The following LSM2 variants were observed in gnomAD, a reference collection of about 807,000 sequenced individuals.
The protein encoded by LSM2 is U6 snRNA-associated Sm-like protein LSm2.
Under a neutral mutation model 17.0 loss-of-function variants are expected in LSM2, and 12 were observed. The ratio of observed to expected loss-of-function variants is 0.70; its 90% CI spans 0.45 to 1.14. The LOEUF (loss-of-function observed/expected upper bound fraction) is 1.14. LSM2 is among the 50% of genes most tolerant of loss of function. The pLI is 0.00. For synonymous variants in LSM2, 42 were observed against 44.5 expected, an observed-to-expected ratio of 0.94 and a Z score of 0.22; for missense variants, 62 against 111.8, an observed-to-expected ratio of 0.55 and a Z score of 2.01.
intron 1 of LSM2, chr6:31,806,366 T>C (rs1581686168): frequency 5.0e-6 from 3 of 605,932 alleles, no homozygotes; most frequent in East Asian, 5.5e-5. Flanking sequence ...AGAGAGACTC[T>C]GCCCTGCATA....
At chr6:31,805,052 C>A (rs12206352) in intron 2 of LSM2, among the ~76,000 whole-genome samples, 7 of 151,722 alleles carry the variant, frequency 4.6e-5, no homozygotes, top group Admixed American at 4.6e-4. Context: ...AGGCGTGAGC[C>A]ACCGCGCCCG....
Position 31,806,789 on chromosome 6 carries a change from G to A in LSM2, c.-32C>T, listed in dbSNP as rs747714348. The A allele has an allele frequency of 8.1e-6, 13 of 1,607,284 alleles. No individual in the cohort carries two copies. The highest frequency in any genetic ancestry group is 2.2e-5 in the East Asian group (1 of 44,634). On this transcript the variant is annotated 5_prime_UTR_variant, in exon 1 of 5. Transcript: ENST00000375661. Reference sequence around the variant, plus strand: ...GGCGCCGCGGGCAGCGGGCCGGACCGGGAAGACAGCAGGGTGCTGCGAGCA... The same window carrying A: ...GGCGCCGCGGGCAGCGGGCCGGACCAGGAAGACAGCAGGGTGCTGCGAGCA...
intron 1 of LSM2, 65 bp from the exon 2 acceptor site, chr6:31,806,207 A>G: frequency 6.8e-7 from 1 of 1,465,126 alleles, no homozygotes; most frequent in Non-Finnish European, 9.5e-7. Context: ...GTGTCCTTTG[A>G]CAGTATTACC....
Position 31,806,760 on chromosome 6 carries a change from T to C in LSM2, c.-3A>G, listed in dbSNP as rs1435595765. On this transcript the variant is annotated 5_prime_UTR_variant, in exon 1 of 5. Transcript: ENST00000375661. ...TTTGACGTCACGGTACCCACCATGG[T>C]GCTGGCGCCGCGGGCAGCGGGCCGG... 1 of 1,610,150 alleles carries C rather than the reference T, an allele frequency of 6.2e-7. No individual in the cohort carries two copies. Among genetic ancestry groups the C allele is most frequent in the Non-Finnish European group, 8.5e-7 (1 of 1,178,980 alleles).
At chr6:31,806,273 G>A in intron 1 of LSM2, 131 bp from the exon 2 acceptor site, 2 of 860,416 alleles carry the variant, frequency 2.3e-6, no homozygotes, top group Non-Finnish European at 3.7e-6. Flanking sequence ...AATTTCACAG[G>A]AAAGAATAAT....
Position 31,804,470 on chromosome 6 carries a change from T to G in LSM2, c.71+1605A>C, listed in dbSNP as rs1370906234. Among the ~76,000 whole-genome samples the G allele has an allele frequency of 4.6e-5, 7 of 152,330 alleles. No individual in the cohort carries two copies. In the East Asian group the frequency reaches 1.3e-3, roughly 29 times the overall value. Reference sequence around the variant, plus strand: ...GGTATAGCTGATCTAAGCCTCAGTTTCCTCGTGTAAAACAGCAATAGTATA... The same window carrying G: ...GGTATAGCTGATCTAAGCCTCAGTTGCCTCGTGTAAAACAGCAATAGTATA... On this transcript the variant is annotated intron_variant, in intron 2 of 4. Coordinates refer to ENST00000375661, the MANE Select transcript of LSM2 (RefSeq NM_021177.5).
intron 4 of LSM2, 31 bp downstream of exon 4, chr6:31,797,959 T>C (rs1814477627): frequency 6.2e-7 from 1 of 1,609,734 alleles, no homozygotes; most frequent in East Asian, 2.2e-5. Flanking sequence ...GCTTTAGAGG[T>C]GTTTCCTCTT....
chr6:31,798,390 C>A (rs1049838882), intron 3 of LSM2, 87 bp downstream of exon 3: 12 of 1,516,834 alleles, frequency 7.9e-6, no homozygotes, highest in East Asian at 2.3e-5. Context: ...CCATTATTAA[C>A]CCTAGAGACA....
intron 2 of LSM2, chr6:31,802,791 TA>T (rs999430073): frequency 1.3e-5 from 2 of 152,082 alleles, no homozygotes; most frequent in Admixed American, 1.3e-4. Flanking sequence ...CGCATGCCTG[TA>T]ATCCCAGCTA....
intron 2 of LSM2, among the ~76,000 whole-genome samples, chr6:31,805,082 TGA>T (rs914614185): frequency 1.5e-4 from 23 of 151,154 alleles, no homozygotes; most frequent in Non-Finnish European, 2.7e-4. Flanking sequence ...GTTCTTTTTT[TGA>T]GACAGAGTCT....
intron 2 of LSM2, among the ~76,000 whole-genome samples, chr6:31,803,945 C>T (rs1024229920): frequency 6.6e-6 from 1 of 152,008 alleles, no homozygotes; most frequent in Non-Finnish European, 1.5e-5. Flanking sequence ...GGCTCATGCG[C>T]GTAACCCCAG....
In LSM2 at chr6:31,797,583, G is replaced by A; in HGVS notation, c.*174C>T. 1.1e-6 allele frequency: 1 copy of A among 881,974 alleles called. No individual in the cohort carries two copies. Among genetic ancestry groups the A allele is most frequent in the East Asian group, 2.5e-5 (1 of 40,496 alleles). 54.6% of individuals were successfully genotyped at this position (881,974 alleles called of 1,614,324 possible). On this transcript the variant is annotated 3_prime_UTR_variant, in exon 5 of 5. Coordinates refer to ENST00000375661, the MANE Select transcript of LSM2 (RefSeq NM_021177.5). ...TACTTATCCTCCCCTTCTCAAGAGA[G>A]GATAGCTGTTCCCTATTACTCCTCT...
At chr6:31,805,994 C>G in intron 2 of LSM2, 81 bp downstream of exon 2, 1 of 1,297,498 alleles carries the variant, frequency 7.7e-7, no homozygotes, top group Admixed American at 1.8e-5. Context: ...TCGCCTAGCC[C>G]TGAAATATTT....
intron 2 of LSM2, among the ~76,000 whole-genome samples, chr6:31,802,097 T>C (rs1814745873): frequency 6.6e-6 from 1 of 151,766 alleles, no homozygotes; most frequent in African/African-American, 2.4e-5. Context: ...CTGACGAAGA[T>C]GGTGAAACCC....
Position 31,797,528 on chromosome 6 carries a change from G to T in LSM2, c.*229C>A. On this transcript the variant is annotated 3_prime_UTR_variant, in exon 5 of 5. Transcript: ENST00000375661. ...AAGTAGTGAGAAAGGCAGGTGCTGG[G>T]GACTGGGAAGGCTTTGAAGTTTCCC... The T allele has an allele frequency of 1.8e-6, 1 of 569,154 alleles. No individual in the cohort carries two copies. The highest frequency in any genetic ancestry group is 3.1e-6 in the Non-Finnish European group (1 of 325,012). 35.3% of individuals were successfully genotyped at this position (569,154 alleles called of 1,614,324 possible). A position where few individuals can be genotyped will look rare whatever the true frequency, so the allele number is the denominator to read the frequency against.
rs1384491849 is a variant in LSM2, at chr6:31,806,927, T to G, written c.-170A>C. ...CGCTGACGGGCAAAGCGCGGCCGAC[T>G]TGCGGCTGGGGAGCGCAAGCTGGGT... is the stretch of plus-strand genomic sequence containing the variant. On this transcript the variant is annotated 5_prime_UTR_variant, in exon 1 of 5. Coordinates refer to ENST00000375661, the MANE Select transcript of LSM2 (RefSeq NM_021177.5). 3 of 882,782 alleles carry G rather than the reference T, an allele frequency of 3.4e-6. No individual in the cohort carries two copies. Among genetic ancestry groups the G allele is most frequent in the Non-Finnish European group, 5.0e-6 (3 of 594,838 alleles). 54.7% of individuals were successfully genotyped at this position (882,782 alleles called of 1,614,324 possible).
chr6:31,806,184 A>G (rs1815024788), intron 1 of LSM2, 42 bp from the exon 2 acceptor site: 1 of 1,583,368 alleles, frequency 6.3e-7, no homozygotes, highest in Middle Eastern at 1.7e-4. Flanking sequence ...GGGAAGGAGC[A>G]TGGTAGGGAG....
chr6:31,805,017 C>T (rs1213843320), intron 2 of LSM2, among the ~76,000 whole-genome samples: 3 of 152,050 alleles, frequency 2.0e-5, no homozygotes, highest in Admixed American at 6.6e-5. Flanking sequence ...CCGCCTGCCT[C>T]GGCCTCCCAA....
Position 31,797,992 on chromosome 6 carries a change from T to C in LSM2, c.160A>G (p.Met54Val), listed in dbSNP as rs1378191557. 1 of 1,607,732 alleles carries C rather than the reference T, an allele frequency of 6.2e-7. No individual in the cohort carries two copies. The highest frequency in any genetic ancestry group is 8.5e-7 in the Non-Finnish European group (1 of 1,177,550). ...CTTCTCCACAGACCCCAACTCACCA[T>C]GTGAGGGTATTTCTCAGGGTCTGTG... ...SVTDPEKYPH[M>V]LSVKNCFIRG... is the part of the protein sequence containing the mutation. The change falls in exon 4 of 5, where the codon ATG (methionine) becomes GTG (valine). Residue 54 changes from methionine to valine, a missense_variant and splice_region_variant. Met to Val is a conservative substitution (Grantham distance 21). Transcript: ENST00000375661.
Sources: gnomAD v4.1 joint callset for allele counts (sites outside exome capture counted in the v4.1 genomes callset) on GRCh38, gnomAD v4.1.1 for gene constraint, MANE v1.5 for transcripts, NCBI Gene and HGNC (gene_info 2026-07-23, HGNC 2026-07-21) for gene names.